The following ELP4 variants were observed in gnomAD, a reference collection of about 807,000 sequenced individuals.
The protein encoded by ELP4 is elongator acetyltransferase complex subunit 4, also known as elongator complex protein 4.
Under a neutral mutation model 48.9 loss-of-function variants are expected in ELP4, and 51 were observed. That is an observed-to-expected ratio of 1.04 (90% confidence interval 0.83 to 1.32). The LOEUF is 1.32. Among genes scored for constraint, ELP4 ranks in the 40% most tolerant of loss-of-function variants. The probability of loss-of-function intolerance (pLI) is 0.00; values close to 1 mark genes in which losing one functional copy is unlikely to be tolerated. For missense variants in ELP4, 519 were observed against 514.6 expected (o/e 1.01, Z -0.08); for synonymous variants, 210 against 189.2 (o/e 1.11, Z -0.90).
At chr11:31,647,595 C>T (rs1945229336) in intron 7 of ELP4, 146 bp from the exon 8 acceptor site, 1 of 556,986 alleles carries the variant, frequency 1.8e-6, no homozygotes, top group Non-Finnish European at 3.2e-6. Flanking sequence ...AGTTTTCAGC[C>T]TATAGTAGCT....
chr11:31,676,791 A>G (rs1031973205), intron 9 of ELP4, among the ~76,000 whole-genome samples: 5 of 152,194 alleles, frequency 3.3e-5, no homozygotes, highest in African/African-American at 1.2e-4. Context: ...GTATCAAATG[A>G]ATGGCTAAGT....
rs763586359 is a variant in ELP4, at chr11:31,647,774, T to C, written c.961T>C (p.Ser321Pro). The C allele has an allele frequency of 8.1e-6, 13 of 1,609,574 alleles. No individual in the cohort carries two copies. In the Admixed American group the frequency reaches 2.2e-4, roughly 27 times the overall value. Residue 321 changes from serine (S) to proline (P), a missense_variant, in exon 8 of 10, where the codon TCA becomes CCA. Transcript: ENST00000640961. ...KAIIARVTTL[S>P]DVVVGLESFI... ...CATTATTGCCCGTGTCACAACCTTG[T>C]CAGATGTAGTAGTTGGTCTGGAATC... is the stretch of plus-strand genomic sequence containing the variant.
intron 9 of ELP4, among the ~76,000 whole-genome samples, chr11:31,661,142 AC>A (rs1414675570): frequency 6.6e-6 from 1 of 151,880 alleles, no homozygotes; most frequent in East Asian, 1.9e-4. Context: ...CCATACACAC[AC>A]CCCCTTAATA....
chr11:31,585,032 A>G (rs148148385), intron 3 of ELP4, among the ~76,000 whole-genome samples: 2 of 152,296 alleles, frequency 1.3e-5, no homozygotes, highest in African/African-American at 4.8e-5. Flanking sequence ...TTTTAGGGTA[A>G]GATATCAGAG....
intron 9 of ELP4, among the ~76,000 whole-genome samples, chr11:31,723,242 G>A (rs2134189355): frequency 6.6e-6 from 1 of 152,234 alleles, no homozygotes; most frequent in Middle Eastern, 3.4e-3. Flanking sequence ...TGGGAATCCT[G>A]TGAGGGCTGA....
chr11:31,771,128 C>T (rs749412997), intron 9 of ELP4, among the ~76,000 whole-genome samples: 3 of 152,114 alleles, frequency 2.0e-5, no homozygotes, highest in Non-Finnish European at 2.9e-5. Flanking sequence ...GGACATTTCA[C>T]ACAAGTCTCA....
chr11:31,746,438 CGT>C lies in ELP4; in HGVS notation c.1144-36950_1144-36949del, dbSNP rs1163206558. 3.9e-5 allele frequency among the ~76,000 whole-genome samples: 6 copies of C among 152,184 alleles called. No homozygotes were observed. The East Asian group carries it at 9.6e-4, about 24-fold the overall frequency. On this transcript the variant is annotated intron_variant, in intron 9 of 9. Transcript: ENST00000640961. ...ATGCTGCTATAAAGACACATGCACA[CGT>C]GTGTTTATTGCGTCACTATTCACAA...
intron 3 of ELP4, among the ~76,000 whole-genome samples, chr11:31,570,731 G>T (rs925159774): frequency 6.7e-6 from 1 of 148,864 alleles, no homozygotes; most frequent in African/African-American, 2.5e-5. Context: ...ACTCGCCTCG[G>T]CCTCCCAAAG....
chr11:31,695,737 G>C (rs1946388677), intron 9 of ELP4, among the ~76,000 whole-genome samples: 2 of 142,876 alleles, frequency 1.4e-5, no homozygotes, highest in South Asian at 4.9e-4. Flanking sequence ...GTTTCAGAAG[G>C]AATGGTACCA....
intron 9 of ELP4, chr11:31,779,854 AG>A (rs1448835038): frequency 6.6e-6 from 1 of 152,242 alleles, no homozygotes; most frequent in African/African-American, 2.4e-5. Context: ...GCAGCCAGCC[AG>A]CCAGCCAGCT....
At chr11:31,601,314 G>A (rs950565626) in intron 4 of ELP4, among the ~76,000 whole-genome samples, 1 of 151,862 alleles carries the variant, frequency 6.6e-6, no homozygotes, top group African/African-American at 2.4e-5. Flanking sequence ...TTTCCTGTAA[G>A]AATATATTTT....
At chr11:31,666,780 C>T (rs937097129) in intron 9 of ELP4, among the ~76,000 whole-genome samples, 11 of 97,458 alleles carry the variant, frequency 1.1e-4, no homozygotes, top group Non-Finnish European at 2.7e-5. Context: ...AAAGTGGCTA[C>T]CTAAGAAAAT....
chr11:31,771,718 G>T (rs572222351), intron 9 of ELP4, among the ~76,000 whole-genome samples: 2 of 152,170 alleles, frequency 1.3e-5, no homozygotes, highest in Non-Finnish European at 1.5e-5. Flanking sequence ...AGTGGCTCAC[G>T]CCTGTAATCC....
chr11:31,620,471 G>C (rs1218647608), intron 5 of ELP4, among the ~76,000 whole-genome samples: 1 of 151,944 alleles, frequency 6.6e-6, no homozygotes, highest in Non-Finnish European at 1.5e-5. Flanking sequence ...GCATGAAATT[G>C]AGATTATAGA....
At chr11:31,699,929 C>G (rs1946486752) in intron 9 of ELP4, among the ~76,000 whole-genome samples, 3 of 152,040 alleles carry the variant, frequency 2.0e-5, no homozygotes, top group Non-Finnish European at 2.9e-5. Flanking sequence ...GGAAAAATGT[C>G]AAGAACATGA....
chr11:31,585,763 T>C (rs1370327459), intron 3 of ELP4, among the ~76,000 whole-genome samples: 4 of 152,206 alleles, frequency 2.6e-5, no homozygotes, highest in African/African-American at 9.7e-5. Context: ...AACAGGCTTA[T>C]GATAGTTGAA....
At chr11:31,630,313 C>G (rs907644185) in intron 6 of ELP4, among the ~76,000 whole-genome samples, 1 of 143,572 alleles carries the variant, frequency 7.0e-6, no homozygotes, top group African/African-American at 2.6e-5. Flanking sequence ...TATAGAGCAA[C>G]AATGTTATCT....
intron 5 of ELP4, among the ~76,000 whole-genome samples, chr11:31,613,256 G>A (rs1408358682): frequency 6.6e-6 from 1 of 152,096 alleles, no homozygotes; most frequent in East Asian, 1.9e-4. Context: ...ATAAAATTTT[G>A]TATAGCTTAT....
chr11:31,521,292 T>G (rs771873310), intron 2 of ELP4, among the ~76,000 whole-genome samples: 25 of 152,062 alleles, frequency 1.6e-4, no homozygotes, highest in Non-Finnish European at 3.5e-4. Context: ...TTATGTTTTT[T>G]TTTTTTAGCT....
Sources: allele counts gnomAD v4.1 joint callset (sites outside exome capture counted in the v4.1 genomes callset), GRCh38; gene constraint gnomAD v4.1.1; transcripts MANE v1.5; gene names NCBI Gene and HGNC (gene_info 2026-07-23, HGNC 2026-07-21).